Variants in VWA2 observed in about 807,000 individuals in gnomAD.
The protein encoded by VWA2 is von Willebrand factor A domain containing 2.
A neutral mutation model predicts 70.4 loss-of-function variants in VWA2; 73 were observed. The ratio of observed to expected loss-of-function variants is 1.04; its 90% CI spans 0.86 to 1.26. The LOEUF (loss-of-function observed/expected upper bound fraction) is 1.26, where lower values mean the gene tolerates loss of function less well. Ranked by LOEUF, VWA2 falls within the 50% of genes most tolerant of loss-of-function variation. VWA2 has a pLI of 0.00. For missense variants in VWA2, 1,011 were observed against 998.5 expected (o/e 1.01, Z -0.17); for synonymous variants, 407 against 423.3 (o/e 0.96, Z 0.47).
In VWA2 at chr10:114,286,221, G is replaced by C; in HGVS notation, c.1280G>C (p.Arg427Pro). Reference protein sequence around the residue: ...GGPTLTGSALRQAAERGFGSA... With the variant: ...GGPTLTGSALPQAAERGFGSA... Reference sequence around the variant, plus strand: ...CCCACCCTGACGGGCAGTGCCTTGCGGCAGGCGGCAGAGCGTGGCTTCGGG... The same window carrying C: ...CCCACCCTGACGGGCAGTGCCTTGCCGCAGGCGGCAGAGCGTGGCTTCGGG... The change falls in exon 11 of 14, where the codon CGG (arginine) becomes CCG (proline). Residue 427 changes from arginine (R) to proline (P), a missense_variant. Coordinates refer to ENST00000392982, the MANE Select transcript of VWA2 (RefSeq NM_001272046.2). 1.2e-6 allele frequency: 2 copies of C among 1,613,614 alleles called. No homozygotes were observed. Among genetic ancestry groups the C allele is most frequent in the South Asian group, 2.2e-5 (2 of 91,038 alleles).
intron 8 of VWA2, chr10:114,280,587 TA>T (rs1304060996): frequency 6.6e-6 from 1 of 152,102 alleles, no homozygotes; most frequent in Non-Finnish European, 1.5e-5. Context: ...GTCTGCTCCA[TA>T]AATGCTGATT....
In VWA2 at chr10:114,253,670, C is replaced by G. The variant is rs1228889772; in HGVS notation, c.72C>G (p.Leu24=). 6.2e-7 allele frequency: 1 copy of G among 1,612,180 alleles called. No homozygotes were observed. Among genetic ancestry groups the G allele is most frequent in the Admixed American group, 1.7e-5 (1 of 59,928 alleles). ...TCCTAGTGCCCCCATCTCTCCCTCT[C>G]CAGGAAGTCCATGTAAGCAAAGAAA... The part of the protein sequence containing the change: ...LFSRVPPSLP[L]QEVHVSKETI... The change falls in exon 3 of 14, where the codon CTC becomes CTG. Residue 24 remains leucine, a synonymous_variant. Coordinates refer to ENST00000392982, the MANE Select transcript of VWA2 (RefSeq NM_001272046.2).
intron 6 of VWA2, among the ~76,000 whole-genome samples, chr10:114,277,329 A>G (rs2037869831): frequency 6.6e-6 from 1 of 151,514 alleles, no homozygotes. Flanking sequence ...AACTACAGGC[A>G]CCCACCACCA....
chr10:114,276,096 T>TA (rs2037835644), intron 6 of VWA2, among the ~76,000 whole-genome samples: 1 of 152,188 alleles, frequency 6.6e-6, no homozygotes, highest in South Asian at 2.1e-4. Flanking sequence ...GTTTAATGCT[T>TA]AGGGAGCTGC....
Position 114,289,405 on chromosome 10 carries a change from G to T in VWA2, c.2038G>T (p.Gly680Cys). ...VLSEGLRRLA[G>C]PRDSLIHVAA... Reference sequence around the variant, plus strand: ...AAGTGAGGGTCTGCGGAGGCTTGCAGGTCCCCGGGATTCCCTGATCCACGT... The same window carrying T: ...AAGTGAGGGTCTGCGGAGGCTTGCATGTCCCCGGGATTCCCTGATCCACGT... The change falls in exon 12 of 14, where the codon GGT (glycine) becomes TGT (cysteine). Residue 680 changes from glycine to cysteine, a missense_variant. Transcript: ENST00000392982. 1 of 1,603,594 alleles carries T rather than the reference G, an allele frequency of 6.2e-7. No individual in the cohort carries two copies. Among genetic ancestry groups the T allele is most frequent in the Non-Finnish European group, 8.5e-7 (1 of 1,170,470 alleles).
intron 5 of VWA2, among the ~76,000 whole-genome samples, chr10:114,271,537 G>C (rs2037708832): frequency 6.6e-6 from 1 of 152,022 alleles, no homozygotes; most frequent in South Asian, 2.1e-4. Context: ...CTGAGTAGCT[G>C]CTTGGAGGGG....
At position 114,286,971 on chromosome 10, in the gene VWA2, C is replaced by T. The variant is rs554122603; in HGVS notation, c.1570+460C>T. On this transcript the variant is annotated intron_variant, in intron 11 of 13. Coordinates refer to ENST00000392982, the MANE Select transcript of VWA2 (RefSeq NM_001272046.2). The stretch of plus-strand genomic sequence containing the variant: ...ACACACGGATGCATGTGCATGCACA[C>T]GCGCTGGTGCAGCCACACACAACTG... 1.2e-3 allele frequency among the ~76,000 whole-genome samples: 179 copies of T among 152,310 alleles called. 1 individual carries two copies. Among genetic ancestry groups the T allele is most frequent in the African/African-American group, 4.0e-3 (167 of 41,568 alleles).
chr10:114,246,231 T>C, intron 1 of VWA2: 1 of 933,104 alleles, frequency 1.1e-6, no homozygotes, highest in Non-Finnish European at 1.7e-6. Context: ...CTGGGCATGG[T>C]GGCTCACGCC....
At chr10:114,247,842 G>A (rs995968786) in intron 1 of VWA2, among the ~76,000 whole-genome samples, 4 of 152,064 alleles carry the variant, frequency 2.6e-5, no homozygotes, top group Admixed American at 2.6e-4. Context: ...AGGGCACCAG[G>A]ATGAGGATGA....
At position 114,255,049 on chromosome 10, in the gene VWA2, G is replaced by A. The variant is rs2037293598; in HGVS notation, c.261+1G>A. 1 of 1,611,448 alleles carries A rather than the reference G, an allele frequency of 6.2e-7. No homozygotes were observed. Among genetic ancestry groups the A allele is most frequent in the African/African-American group, 1.3e-5 (1 of 74,784 alleles). ...CGGTCTGGACATCAGCCCCGAGAGG[G>A]TGAGTGCAAGTCTTGTGGGTGTTTG... is the stretch of plus-strand genomic sequence containing the variant. On this transcript the variant is annotated splice_donor_variant, in intron 4 of 13. Transcript: ENST00000392982. LOFTEE classifies it high-confidence loss of function.
At position 114,254,958 on chromosome 10, in the gene VWA2, T is replaced by C. The variant is rs1227291264; in HGVS notation, c.171T>C (p.Asp57=). 1.9e-6 allele frequency: 3 copies of C among 1,613,372 alleles called. No homozygotes were observed. In the Admixed American group the frequency reaches 5.0e-5, roughly 27 times the overall value. The change falls in exon 4 of 14, where the codon GAT becomes GAC. Residue 57 remains aspartate (D), a synonymous_variant. Coordinates refer to ENST00000392982, the MANE Select transcript of VWA2 (RefSeq NM_001272046.2). ...CAGTGGACATCATGTTTCTGTTAGA[T>C]GGGTCTAACAGCGTCGGGAAAGGGA... ...SAAVDIMFLL[D]GSNSVGKGSF...
At chr10:114,252,941 C>T (rs1034796388) in intron 2 of VWA2, among the ~76,000 whole-genome samples, 6 of 151,788 alleles carry the variant, frequency 4.0e-5, no homozygotes, top group Admixed American at 6.6e-5. Flanking sequence ...GACCTGGCCG[C>T]TCCTGGGCTC....
chr10:114,286,742 A>G (rs2038951973), intron 11 of VWA2, among the ~76,000 whole-genome samples: 1 of 152,242 alleles, frequency 6.6e-6, no homozygotes, highest in Non-Finnish European at 1.5e-5. Context: ...TAAGATGGGC[A>G]GTGTACATGC....
chr10:114,291,173 G>A (rs977660508), intron 13 of VWA2, 45 bp from the exon 14 acceptor site: 54 of 1,550,070 alleles, frequency 3.5e-5, no homozygotes, highest in Non-Finnish European at 4.5e-5. Context: ...GGGCTGAGAA[G>A]GGGATGCAGA....
intron 5 of VWA2, among the ~76,000 whole-genome samples, chr10:114,271,643 A>ACACACACACACACACACACACACAC (rs1564725068): frequency 1.3e-5 from 2 of 151,418 alleles, no homozygotes; most frequent in African/African-American, 4.9e-5. Flanking sequence ...ACACACACAC[A>ACACACACACACACACACACACACAC]GCAGGTAATG....
intron 6 of VWA2, among the ~76,000 whole-genome samples, chr10:114,275,724 T>C (rs1309556052): frequency 6.6e-6 from 1 of 152,072 alleles, no homozygotes; most frequent in African/African-American, 2.4e-5. Flanking sequence ...GGTCAGGAGT[T>C]TGAAACCAGC....
chr10:114,250,561 C>T (rs1360007853), intron 2 of VWA2, among the ~76,000 whole-genome samples: 3 of 152,182 alleles, frequency 2.0e-5, no homozygotes, highest in African/African-American at 7.2e-5. Context: ...TCTGTGTTTC[C>T]ATGAGTAGGT....
At chr10:114,249,222 G>A (rs996304752) in intron 2 of VWA2, among the ~76,000 whole-genome samples, 3 of 151,788 alleles carry the variant, frequency 2.0e-5, no homozygotes, top group Admixed American at 6.6e-5. Flanking sequence ...CCATCCCCAT[G>A]TCCATATGTT....
intron 12 of VWA2, 41 bp from the exon 13 acceptor site, chr10:114,290,199 A>G (rs1163178407): frequency 1.9e-6 from 3 of 1,548,086 alleles, no homozygotes; most frequent in African/African-American, 2.7e-5. Flanking sequence ...GGTCTAACCC[A>G]TGCCTGGCCG....
Sources: gnomAD v4.1 joint callset for allele counts (sites outside exome capture counted in the v4.1 genomes callset) on GRCh38, gnomAD v4.1.1 for gene constraint, MANE v1.5 for transcripts, NCBI Gene and HGNC (gene_info 2026-07-23, HGNC 2026-07-21) for gene names.